CAMKMT: variants seen among roughly 807,000 people sequenced by gnomAD.
CAMKMT encodes the protein CaM KMT.
In CAMKMT, 53 loss-of-function variants were observed where a neutral mutation model predicts 48.0. That is an observed-to-expected ratio of 1.10 (90% CI 0.89 to 1.39). The LOEUF is 1.39. CAMKMT is among the 40% of genes most tolerant of loss of function. The pLI is 0.00. For synonymous variants in CAMKMT, 165 were observed against 152.3 expected, an observed-to-expected ratio of 1.08 and a Z score of -0.61; for missense variants, 428 against 402.7, an observed-to-expected ratio of 1.06 and a Z score of -0.54.
At chr2:44,639,029 G>A (rs1673302866) in intron 3 of CAMKMT, among the ~76,000 whole-genome samples, 2 of 152,214 alleles carry the variant, frequency 1.3e-5, no homozygotes, top group South Asian at 4.1e-4. Flanking sequence ...ATTGCATCCT[G>A]AGTTACATCG....
intron 3 of CAMKMT, among the ~76,000 whole-genome samples, chr2:44,642,933 G>A (rs939389145): frequency 6.6e-6 from 1 of 152,080 alleles, no homozygotes; most frequent in Non-Finnish European, 1.5e-5. Context: ...TTGAGTGTCC[G>A]CTGTGTTTAT....
intron 7 of CAMKMT, among the ~76,000 whole-genome samples, chr2:44,720,169 A>C (rs1678388740): frequency 6.6e-6 from 1 of 152,202 alleles, no homozygotes; most frequent in Non-Finnish European, 1.5e-5. Flanking sequence ...TGATAGAGTT[A>C]TCCTTTTTGT....
At chr2:44,457,507 T>A (rs1259118467) in intron 3 of CAMKMT, among the ~76,000 whole-genome samples, 1 of 151,694 alleles carries the variant, frequency 6.6e-6, no homozygotes, top group East Asian at 1.9e-4. Flanking sequence ...CAAGCGATTC[T>A]CCCACCTCAG....
chr2:44,498,630 C>T (rs1173245361), intron 3 of CAMKMT, among the ~76,000 whole-genome samples: 1 of 152,142 alleles, frequency 6.6e-6, no homozygotes, highest in Non-Finnish European at 1.5e-5. Context: ...CAACTGCTAC[C>T]TTGGGCAATA....
At chr2:44,642,384 G>T (rs1163592684) in intron 3 of CAMKMT, among the ~76,000 whole-genome samples, 1 of 152,236 alleles carries the variant, frequency 6.6e-6, no homozygotes, top group East Asian at 1.9e-4. Flanking sequence ...GTGCTTCCTA[G>T]TGGCACTGGT....
intron 3 of CAMKMT, among the ~76,000 whole-genome samples, chr2:44,527,715 T>C (rs1162968887): frequency 6.6e-6 from 1 of 151,486 alleles, no homozygotes; most frequent in Non-Finnish European, 1.5e-5. Context: ...TAGAACAGTG[T>C]TAGGTTCACA....
At chr2:44,656,659 C>T (rs1282163957) in intron 3 of CAMKMT, among the ~76,000 whole-genome samples, 1 of 152,036 alleles carries the variant, frequency 6.6e-6, no homozygotes, top group African/African-American at 2.4e-5. Flanking sequence ...ACCCATTGTG[C>T]CCTCTAATTA....
intron 3 of CAMKMT, among the ~76,000 whole-genome samples, chr2:44,474,214 G>C (rs1224581284): frequency 6.6e-6 from 1 of 152,154 alleles, no homozygotes; most frequent in Non-Finnish European, 1.5e-5. Flanking sequence ...GGGAGGCCGA[G>C]GCAGGCGGAT....
At position 44,772,426 on chromosome 2, in the gene CAMKMT, G is replaced by A. The variant is rs1681154663; in HGVS notation, c.*313G>A. 4.4e-6 allele frequency: 1 copy of A among 227,230 alleles called. No individual in the cohort carries two copies. Among genetic ancestry groups the A allele is most frequent in the African/African-American group, 2.3e-5 (1 of 43,752 alleles). The allele number at this position is 227,230 out of a possible 1,614,324, so 14.1% of individuals were successfully genotyped here. A position where few individuals can be genotyped will look rare whatever the true frequency, so the allele number is the denominator to read the frequency against. Reference sequence around the variant, plus strand: ...AAACTAAATATTTTTCCCTGTAATTGAGACAGAATTTCTTTTGATGATACC... The same window carrying A: ...AAACTAAATATTTTTCCCTGTAATTAAGACAGAATTTCTTTTGATGATACC... On this transcript the variant is annotated 3_prime_UTR_variant, in exon 11 of 11. Transcript: ENST00000378494.
chr2:44,447,791 A>G (rs1667085434), intron 3 of CAMKMT, among the ~76,000 whole-genome samples: 1 of 152,238 alleles, frequency 6.6e-6, no homozygotes, highest in Non-Finnish European at 1.5e-5. Context: ...TATTTTTGAA[A>G]AATAATACTC....
chr2:44,528,658 C>G (rs1218150414), intron 3 of CAMKMT, among the ~76,000 whole-genome samples: 1 of 152,120 alleles, frequency 6.6e-6, no homozygotes, highest in East Asian at 1.9e-4. Flanking sequence ...CAAACAGTAT[C>G]CACACATTGC....
chr2:44,630,986 T>C (rs1381724408), intron 3 of CAMKMT, among the ~76,000 whole-genome samples: 1 of 151,966 alleles, frequency 6.6e-6, no homozygotes, highest in Non-Finnish European at 1.5e-5. Flanking sequence ...AGCAAAGACT[T>C]GGAACCAACC....
At chr2:44,710,999 TC>T (rs1398641410) in intron 6 of CAMKMT, among the ~76,000 whole-genome samples, 3 of 152,170 alleles carry the variant, frequency 2.0e-5, no homozygotes, top group Non-Finnish European at 4.4e-5. Flanking sequence ...AATGGGTAAA[TC>T]CCCTGTGCTT....
intron 3 of CAMKMT, among the ~76,000 whole-genome samples, chr2:44,613,289 G>A (rs1363694447): frequency 6.6e-6 from 1 of 152,104 alleles, no homozygotes. Context: ...TTCCTTACTG[G>A]TAGAGAAATG....
At chr2:44,488,878 T>TGTG (rs1669344972) in intron 3 of CAMKMT, among the ~76,000 whole-genome samples, 1 of 98,682 alleles carries the variant, frequency 1.0e-5, no homozygotes, top group African/African-American at 2.7e-5. Context: ...TGTGTGTGTG[T>TGTG]TTTAAGAAAT....
chr2:44,718,848 A>T (rs554033433), intron 7 of CAMKMT, among the ~76,000 whole-genome samples: 105 of 152,336 alleles, frequency 6.9e-4, no homozygotes, highest in African/African-American at 2.5e-3. Flanking sequence ...CATGAATTTT[A>T]GTAAACTATG....
At position 44,650,152 on chromosome 2, in the gene CAMKMT, AG is replaced by A. The variant is rs904994564; in HGVS notation, c.377-54129del. On this transcript the variant is annotated intron_variant, in intron 3 of 10. Transcript: ENST00000378494. ...TCTGGAGGCTAGAAGTCCAAAGTCA[AG>A]GTGTAGAGCCATGCTCCATCTGAAA... Among the ~76,000 whole-genome samples the A allele has an allele frequency of 1.4e-4, 21 of 152,192 alleles. 1 individual carries two copies. The highest frequency in any genetic ancestry group is 1.2e-3 in the Admixed American group (19 of 15,276).
intron 3 of CAMKMT, among the ~76,000 whole-genome samples, chr2:44,425,184 AAAAT>A (rs969018503): frequency 4.6e-5 from 7 of 152,166 alleles, no homozygotes; most frequent in Admixed American, 3.9e-4. Flanking sequence ...AGAATAATGA[AAAAT>A]AAAGCTATCT....
At chr2:44,754,187 G>A (rs1332930722) in intron 9 of CAMKMT, 69 bp downstream of exon 9, 1 of 1,214,532 alleles carries the variant, frequency 8.2e-7, no homozygotes, top group African/African-American at 1.5e-5. Flanking sequence ...AAGATGGAGA[G>A]AGTAATGGAA....
Sources: gnomAD v4.1 joint callset for allele counts (sites outside exome capture counted in the v4.1 genomes callset) on GRCh38, gnomAD v4.1.1 for gene constraint, MANE v1.5 for transcripts, NCBI Gene and HGNC (gene_info 2026-07-23, HGNC 2026-07-21) for gene names.